The following CDH13 variants were observed in gnomAD, a reference collection of about 807,000 sequenced individuals.
CDH13 encodes cadherin 13.
A neutral mutation model predicts 63.8 loss-of-function variants in CDH13; 24 were observed. The observed-to-expected ratio is 0.38, with a 90% CI of 0.27 to 0.53. CDH13 has a LOEUF of 0.53. Ranked by LOEUF, CDH13 falls within the 20% of genes least tolerant of loss-of-function variation. The pLI is 0.85. For missense variants in CDH13, 1,049 were observed against 903.1 expected (o/e 1.16, Z -2.07); for synonymous variants, 503 against 355.3 (o/e 1.42, Z -4.67).
intron 4 of CDH13, among the ~76,000 whole-genome samples, chr16:83,163,463 C>T (rs931380695): frequency 6.6e-6 from 1 of 152,042 alleles, no homozygotes; most frequent in African/African-American, 2.4e-5. Flanking sequence ...TTGTAGTGCT[C>T]CAGGCCAGAC....
intron 10 of CDH13, among the ~76,000 whole-genome samples, chr16:83,729,172 G>A (rs1028712410): frequency 2.0e-5 from 3 of 151,946 alleles, no homozygotes; most frequent in African/African-American, 7.3e-5. Flanking sequence ...CGAATTTGGG[G>A]GGAACAGCAA....
At chr16:83,428,937 A>T (rs1020760210) in intron 6 of CDH13, among the ~76,000 whole-genome samples, 3 of 152,090 alleles carry the variant, frequency 2.0e-5, no homozygotes, top group South Asian at 4.2e-4. Context: ...TTAATAACCA[A>T]CTCTAGGGGT....
At chr16:83,603,071 A>G (rs1447611222) in intron 8 of CDH13, among the ~76,000 whole-genome samples, 1 of 152,226 alleles carries the variant, frequency 6.6e-6, no homozygotes, top group Non-Finnish European at 1.5e-5. Context: ...CAGGAGAGCC[A>G]TTATTCATTC....
chr16:83,682,989 C>A (rs1423836), intron 10 of CDH13, among the ~76,000 whole-genome samples: 22,427 of 152,152 alleles, frequency 0.15, 1,802 homozygotes, highest in African/African-American at 0.22. Flanking sequence ...TCCTGGGCCA[C>A]GTCCTGCCTC....
Position 82,851,074 on chromosome 16 carries a change from TGAG to T in CDH13, c.46-7284_46-7282del, listed in dbSNP as rs369966118. On this transcript the variant is annotated intron_variant, in intron 1 of 13. Transcript: ENST00000567109. ...ACATGCAGCTTCCCTGTTTACAGTT[TGAG>T]GAGAATATGTTGGGTAGCATCTTTT... 3.7e-3 allele frequency among the ~76,000 whole-genome samples: 563 copies of T among 152,256 alleles called. 5 individuals are homozygous for T. Among genetic ancestry groups the T allele is most frequent in the Middle Eastern group, 0.02 (6 of 294 alleles).
intron 11 of CDH13, among the ~76,000 whole-genome samples, chr16:83,776,425 C>T (rs753337641): frequency 1.3e-5 from 2 of 152,182 alleles, no homozygotes; most frequent in African/African-American, 2.4e-5. Context: ...TTTGAGTTTG[C>T]GCTCTAACGA....
intron 10 of CDH13, among the ~76,000 whole-genome samples, chr16:83,701,792 G>GCC (rs1468275475): frequency 6.6e-6 from 1 of 152,174 alleles, no homozygotes; most frequent in Non-Finnish European, 1.5e-5. Flanking sequence ...TCGCACATCA[G>GCC]CCCTTCTCTG....
At chr16:83,337,566 G>C (rs2090624773) in intron 5 of CDH13, among the ~76,000 whole-genome samples, 1 of 144,094 alleles carries the variant, frequency 6.9e-6, no homozygotes, top group African/African-American at 2.6e-5. Context: ...TGCATCCTCT[G>C]TCTCCCTCAC....
At chr16:83,572,016 G>A (rs1196378564) in intron 7 of CDH13, among the ~76,000 whole-genome samples, 2 of 152,146 alleles carry the variant, frequency 1.3e-5, no homozygotes, top group Non-Finnish European at 2.9e-5. Context: ...CAGATGGTGA[G>A]GACCATGTCA....
chr16:83,655,486 A>G (rs60581414), intron 8 of CDH13, among the ~76,000 whole-genome samples: 25,245 of 152,140 alleles, frequency 0.17, 2,347 homozygotes, highest in East Asian at 0.27. Context: ...CATGAAGACA[A>G]GAGTCTGTCA....
chr16:83,576,438 C>G (rs1244609601), intron 7 of CDH13, among the ~76,000 whole-genome samples: 1 of 152,160 alleles, frequency 6.6e-6, no homozygotes, highest in Non-Finnish European at 1.5e-5. Flanking sequence ...CTGTTTCTAC[C>G]TTCTGGCTAA....
chr16:83,565,360 A>C (rs1352757276), intron 7 of CDH13, among the ~76,000 whole-genome samples: 1 of 139,458 alleles, frequency 7.2e-6, no homozygotes, highest in South Asian at 2.3e-4. Context: ...TGCCCTTGGG[A>C]TTTCCGTTCC....
chr16:83,609,166 G>A (rs1383868369), intron 8 of CDH13, among the ~76,000 whole-genome samples: 1 of 152,140 alleles, frequency 6.6e-6, no homozygotes, highest in East Asian at 1.9e-4. Flanking sequence ...CCTGTGAGCT[G>A]GCAGCATGCA....
At chr16:82,884,143 G>A (rs756667004) in intron 2 of CDH13, 13 of 454,322 alleles carry the variant, frequency 2.9e-5, no homozygotes, top group South Asian at 1.4e-4. Flanking sequence ...CTGCATGCAC[G>A]CTGTTTCTTT....
At chr16:83,232,544 AC>A (rs1374447358) in intron 5 of CDH13, among the ~76,000 whole-genome samples, 55 of 115,308 alleles carry the variant, frequency 4.8e-4, no homozygotes, top group Admixed American at 2.5e-3. Flanking sequence ...AACAACAACA[AC>A]AAACAAACAA....
chr16:82,896,387 A>G (rs2041263699), intron 2 of CDH13, among the ~76,000 whole-genome samples: 1 of 144,566 alleles, frequency 6.9e-6, no homozygotes. Context: ...GGCCTCCTGG[A>G]CTCAAGTAAT....
At chr16:82,836,189 C>T (rs2038759949) in intron 1 of CDH13, among the ~76,000 whole-genome samples, 4 of 152,072 alleles carry the variant, frequency 2.6e-5, no homozygotes, top group Non-Finnish European at 5.9e-5. Context: ...TGCATTGGCG[C>T]CCAGGCTGGA....
intron 4 of CDH13, among the ~76,000 whole-genome samples, chr16:83,215,153 T>G (rs540680487): frequency 8.4e-6 from 1 of 118,516 alleles, no homozygotes; most frequent in Non-Finnish European, 1.6e-5. Flanking sequence ...CCCAGCTCAC[T>G]GCAACCTATG....
intron 5 of CDH13, among the ~76,000 whole-genome samples, chr16:83,320,586 A>C (rs755879251): frequency 2.0e-5 from 3 of 152,232 alleles, no homozygotes; most frequent in Non-Finnish European, 4.4e-5. Flanking sequence ...CCTCAATTAG[A>C]GCAAACAACC....
Sources: gnomAD v4.1 joint callset for allele counts (sites outside exome capture counted in the v4.1 genomes callset) on GRCh38, gnomAD v4.1.1 for gene constraint, MANE v1.5 for transcripts, NCBI Gene and HGNC (gene_info 2026-07-23, HGNC 2026-07-21) for gene names.